Variants in TRIM5 observed in about 807,000 individuals in gnomAD.
TRIM5 encodes the protein tripartite motif-containing protein 5.
In TRIM5, 31 loss-of-function variants were observed where a neutral mutation model predicts 35.6. The ratio of observed to expected loss-of-function variants is 0.87; its 90% CI spans 0.65 to 1.18. The LOEUF is 1.18. Ranked by LOEUF, TRIM5 falls within the 50% of genes most tolerant of loss-of-function variation. TRIM5 has a pLI of 0.00. For missense variants in TRIM5, 609 were observed against 591.6 expected (o/e 1.03, Z -0.31); for synonymous variants, 243 against 215.6 (o/e 1.13, Z -1.11).
chr11:5,646,038 AAT>A, the TRIM5 span, among the ~76,000 whole-genome samples: 1 of 114,082 alleles, frequency 8.8e-6, no homozygotes, highest in South Asian at 2.7e-4. Flanking sequence ...AGTACACATA[AAT>A]ATATTAGATT....
At chr11:5,614,548 A>G in the TRIM5 span, among the ~76,000 whole-genome samples, 1 of 152,254 alleles carries the variant, frequency 6.6e-6, no homozygotes, top group Admixed American at 6.5e-5. Flanking sequence ...TTTGGTGGAA[A>G]CTGCCTGGAA....
chr11:5,610,893 T>G, the TRIM5 span: 1 of 1,614,202 alleles, frequency 6.2e-7, no homozygotes, highest in African/African-American at 1.3e-5. Context: ...GGAAAAGCAT[T>G]ATGACTGTAG....
the TRIM5 span, among the ~76,000 whole-genome samples, chr11:5,631,346 A>C: frequency 2.6e-5 from 4 of 152,222 alleles, no homozygotes; most frequent in African/African-American, 9.6e-5. Context: ...TAAGTGGAGT[A>C]GCATGGAGAC....
At position 5,678,284 on chromosome 11, in the gene TRIM5, C is replaced by T. The variant is rs1202790587; in HGVS notation, c.664G>A (p.Val222Met). 4.3e-6 allele frequency: 7 copies of T among 1,614,150 alleles called. No individual in the cohort carries two copies. The highest frequency in any genetic ancestry group is 1.6e-4 in the Middle Eastern group (1 of 6,062). ...KSLTNSETEM[V>M]QQTQSLRELI... ...TCTCTCAGGGACTGGGTCTGCTGCA[C>T]CATCTCAGTTTCAGAGTTCGTAAGG... The change falls in exon 4 of 8, where the codon GTG (valine) becomes ATG (methionine). Residue 222 changes from valine to methionine, a missense_variant. Transcript: ENST00000380034.
At chr11:5,631,226 A>AC in the TRIM5 span, among the ~76,000 whole-genome samples, 14,358 of 151,314 alleles carry the variant, frequency 0.095, 919 homozygotes, top group Non-Finnish European at 0.14. Flanking sequence ...CAAACACAAG[A>AC]CCCCCCCAGA....
At chr11:5,667,858 G>A (rs1211503205) in intron 4 of TRIM5, 147 bp from the exon 5 acceptor site, 2 of 776,154 alleles carry the variant, frequency 2.6e-6, no homozygotes, top group African/African-American at 3.6e-5. Context: ...AAGACTCAAG[G>A]CAATCATCCC....
the TRIM5 span, among the ~76,000 whole-genome samples, chr11:5,617,114 A>G: frequency 1.4e-5 from 2 of 142,852 alleles, 1 homozygote; most frequent in Non-Finnish European, 3.1e-5. Context: ...GAAATAAAAT[A>G]TTGATTCATT....
the TRIM5 span, among the ~76,000 whole-genome samples, chr11:5,603,032 A>G: frequency 1.3e-5 from 2 of 152,150 alleles, no homozygotes; most frequent in Non-Finnish European, 2.9e-5. Context: ...GTTTGTCTCT[A>G]TTCAATAGGA....
chr11:5,594,487 T>C, the TRIM5 span, among the ~76,000 whole-genome samples: 3 of 152,090 alleles, frequency 2.0e-5, no homozygotes, highest in Non-Finnish European at 2.9e-5. Flanking sequence ...TTACTTATTT[T>C]TTTTAGACAG....
Position 5,679,931 on chromosome 11 carries a change from C to T in TRIM5, c.247G>A (p.Val83Ile), listed in dbSNP as rs1179205283. ...TTCTGCCCCTCTGGGCTCAACTTGACCTCCCTGAGCTTCTCCACTATGTTG... is the reference window on the plus strand; with the variant it reads ...TTCTGCCCCTCTGGGCTCAACTTGATCTCCCTGAGCTTCTCCACTATGTTG... ...VANIVEKLRE[V>I]KLSPEGQKVD... Residue 83 changes from valine (V) to isoleucine (I), a missense_variant, in exon 2 of 8, where the codon GTC becomes ATC. Coordinates refer to ENST00000380034, the MANE Select transcript of TRIM5 (RefSeq NM_033034.3). The T allele has an allele frequency of 1.2e-6, 2 of 1,614,128 alleles. No homozygotes were observed. Among genetic ancestry groups the T allele is most frequent in the Middle Eastern group, 1.6e-4 (1 of 6,062 alleles).
chr11:5,642,916 T>G, the TRIM5 span: 1 of 1,593,336 alleles, frequency 6.3e-7, no homozygotes, highest in South Asian at 1.1e-5. Context: ...AATGATATCT[T>G]CTGATCTTAG....
chr11:5,606,101 G>T, the TRIM5 span, among the ~76,000 whole-genome samples: 1 of 152,274 alleles, frequency 6.6e-6, no homozygotes, highest in African/African-American at 2.4e-5. Context: ...TGCTGTGTTG[G>T]GAATTTGCCA....
chr11:5,622,639 A>T, the TRIM5 span, among the ~76,000 whole-genome samples: 1 of 19,758 alleles, frequency 5.1e-5, no homozygotes, highest in Non-Finnish European at 7.5e-5. Context: ...ACAAACAAAT[A>T]AAAAAAACCG....
the TRIM5 span, chr11:5,632,572 C>T: frequency 1.2e-6 from 2 of 1,613,766 alleles, no homozygotes; most frequent in South Asian, 1.1e-5. Context: ...AGTGGAGAGA[C>T]TCAAGGAGGT....
chr11:5,640,681 C>A, the TRIM5 span, among the ~76,000 whole-genome samples: 2 of 152,020 alleles, frequency 1.3e-5, no homozygotes, highest in South Asian at 4.2e-4. Flanking sequence ...AGGAAGTGTT[C>A]CCTGCTCTTC....
rs1851075691 is a variant in TRIM5, at chr11:5,665,658, C to CA, written c.892dup (p.Trp298LeufsTer3). 7.8e-6 allele frequency: 12 copies of CA among 1,538,042 alleles called. No homozygotes were observed. Among genetic ancestry groups the CA allele is most frequent in the Middle Eastern group, 3.5e-4 (2 of 5,698 alleles). ...ATGATAATGTGACTTCTCCTTACCC[C>CA]AGTAGCGTCGGACATCTGTCAGCTC... On this transcript the variant is annotated frameshift_variant, in exon 7 of 8. Coordinates refer to ENST00000380034, the MANE Select transcript of TRIM5 (RefSeq NM_033034.3). LOFTEE classifies it low-confidence loss of function (END_TRUNC).
At chr11:5,682,132 G>A (rs759610471) in intron 1 of TRIM5, among the ~76,000 whole-genome samples, 4 of 152,062 alleles carry the variant, frequency 2.6e-5, no homozygotes, top group Non-Finnish European at 5.9e-5. Flanking sequence ...AGACGGGTGT[G>A]GTGGCTCACG....
the TRIM5 span, among the ~76,000 whole-genome samples, chr11:5,622,648 C>T: frequency 6.0e-5 from 9 of 151,170 alleles, no homozygotes; most frequent in East Asian, 1.6e-3. Flanking sequence ...TAAAAAAAAC[C>T]GGAAAAAACT....
the TRIM5 span, among the ~76,000 whole-genome samples, chr11:5,655,180 C>A: frequency 6.9e-6 from 1 of 144,640 alleles, no homozygotes; most frequent in Non-Finnish European, 1.5e-5. Flanking sequence ...GCAACAAGAG[C>A]GAAACTCCGT....
Sources: allele counts gnomAD v4.1 joint callset (sites outside exome capture counted in the v4.1 genomes callset), GRCh38; gene constraint gnomAD v4.1.1; transcripts MANE v1.5; gene names NCBI Gene and HGNC (gene_info 2026-07-23, HGNC 2026-07-21).